DYSF: variants seen among roughly 807,000 people sequenced by gnomAD.
DYSF encodes the protein dysferlin.
A neutral mutation model predicts 274.9 loss-of-function variants in DYSF; 212 were observed. The ratio of observed to expected loss-of-function variants is 0.77; its 90% CI spans 0.69 to 0.86. The LOEUF is 0.86. Ranked by LOEUF, DYSF falls within the 40% of genes least tolerant of loss-of-function variation. The pLI is 0.00. For missense variants in DYSF, 2,666 were observed against 2,783.2 expected, an observed-to-expected ratio of 0.96 and a Z score of 0.95; for synonymous variants, 1,091 against 1,078.7, an observed-to-expected ratio of 1.01 and a Z score of -0.22.
rs149276374 is a variant in DYSF at position 71,467,674 on chromosome 2, A to G, written c.91+741A>G. On this transcript the variant is annotated intron_variant, in intron 1 of 55. Coordinates refer to ENST00000410020, the MANE Select transcript of DYSF (RefSeq NM_001130987.2). ...CAGGAGGGGAAAGGGAAGAGGAAGG[A>G]TCTGTCAAAATTAAGAGAAGGAACA... Among the ~76,000 whole-genome samples the G allele has an allele frequency of 5.6e-3, 851 of 152,280 alleles. 11 individuals are homozygous for G. Among genetic ancestry groups the G allele is most frequent in the African/African-American group, 0.019 (802 of 41,546 alleles).
At chr2:71,584,018 C>T (rs959058604) in intron 30 of DYSF, among the ~76,000 whole-genome samples, 2 of 152,206 alleles carry the variant, frequency 1.3e-5, no homozygotes, top group African/African-American at 2.4e-5. Flanking sequence ...GCAGCAAGAT[C>T]CCTTACACAG....
intron 55 of DYSF, among the ~76,000 whole-genome samples, chr2:71,684,921 A>T (rs1045144408): frequency 6.6e-6 from 1 of 152,204 alleles, no homozygotes; most frequent in Non-Finnish European, 1.5e-5. Context: ...GAGCACTGTC[A>T]TCTTCCCTGG....
At chr2:71,589,540 G>T (rs1558551684) in intron 30 of DYSF, 53 bp from the exon 31 acceptor site, 1 of 1,458,000 alleles carries the variant, frequency 6.9e-7, no homozygotes. Context: ...TAGTCTCCCT[G>T]CCACCCCCAG....
chr2:71,457,047 G>A (rs2081096025), intron 1 of DYSF, among the ~76,000 whole-genome samples: 1 of 152,182 alleles, frequency 6.6e-6, no homozygotes, highest in African/African-American at 2.4e-5. Context: ...CACAAACAGA[G>A]GGAATGGACA....
At chr2:71,618,590 TGTGTGGTAGAGGTGGTGG>T (rs1213229106) in intron 40 of DYSF, among the ~76,000 whole-genome samples, 43,110 of 135,522 alleles carry the variant, frequency 0.32, 3,623 homozygotes, top group East Asian at 0.38. Flanking sequence ...GAGTTGTGTG[TGTGTGGTAGAGGTGGTGG>T]GTGTGGTAGA....
intron 20 of DYSF, 49 bp from the exon 21 acceptor site, chr2:71,553,757 AC>A: frequency 6.5e-6 from 3 of 461,846 alleles, no homozygotes; most frequent in Non-Finnish European, 1.0e-5. Context: ...ACCCCATCCC[AC>A]CCGCCCTCCA....
upstream of DYSF, among the ~76,000 whole-genome samples, chr2:71,465,474 C>T (rs2152639342): frequency 6.6e-6 from 1 of 152,186 alleles, no homozygotes; most frequent in East Asian, 1.9e-4. Flanking sequence ...AGTATGATTG[C>T]CCCCAGCAGT....
chr2:71,603,464 G>A (rs887976220), intron 36 of DYSF, among the ~76,000 whole-genome samples: 1 of 152,158 alleles, frequency 6.6e-6, no homozygotes, highest in Non-Finnish European at 1.5e-5. Context: ...AGGAAGGAGA[G>A]CCCTGGTCAG....
At chr2:71,532,858 ATCT>A (rs2088903287) in intron 14 of DYSF, among the ~76,000 whole-genome samples, 1 of 147,424 alleles carries the variant, frequency 6.8e-6, no homozygotes, top group South Asian at 2.1e-4. Context: ...CTATCTATCT[ATCT>A]ATCTATCTAT....
chr2:71,587,724 C>CA (rs1441153690), intron 30 of DYSF, among the ~76,000 whole-genome samples: 1 of 152,212 alleles, frequency 6.6e-6, no homozygotes, highest in Non-Finnish European at 1.5e-5. Flanking sequence ...CAGTAGTAAA[C>CA]AGCAGGGCCA....
At chr2:71,585,673 T>C (rs924504830) in intron 30 of DYSF, among the ~76,000 whole-genome samples, 1 of 152,156 alleles carries the variant, frequency 6.6e-6, no homozygotes, top group African/African-American at 2.4e-5. Flanking sequence ...TGTCTTTCCC[T>C]GAGGCAGGTG....
intron 41 of DYSF, among the ~76,000 whole-genome samples, chr2:71,632,847 G>A (rs543949735): frequency 2.4e-4 from 37 of 152,238 alleles, no homozygotes; most frequent in African/African-American, 8.2e-4. Context: ...ACAGCTCCCC[G>A]ACTCTCTGTG....
chr2:71,570,183 T>A, intron 27 of DYSF, 46 bp from the exon 28 acceptor site: 1 of 1,549,808 alleles, frequency 6.5e-7, no homozygotes, highest in Non-Finnish European at 8.9e-7. Context: ...CCTGCTCACA[T>A]CTGTCTGTCT....
rs547747859 is a variant in DYSF at position 71,573,061 on chromosome 2, G to A, written c.3229-1137G>A. Among the ~76,000 whole-genome samples, 622 of 152,368 alleles carry A rather than the reference G, an allele frequency of 4.1e-3. 3 individuals carry two copies. Among genetic ancestry groups the A allele is most frequent in the Non-Finnish European group, 7.1e-3 (485 of 68,034 alleles). On this transcript the variant is annotated intron_variant, in intron 29 of 55. Transcript: ENST00000410020. The stretch of plus-strand genomic sequence containing the variant: ...CCTGTCCTGGACCTTCTTGGTCTAT[G>A]ATCTTCCTTCCTAAACACACATTTG...
chr2:71,549,786 C>A (rs184625164), intron 17 of DYSF, among the ~76,000 whole-genome samples: 3 of 152,212 alleles, frequency 2.0e-5, no homozygotes, highest in Admixed American at 2.0e-4. Context: ...GAGTTGAAAT[C>A]CCCAAGGTAA....
chr2:71,523,506 G>A (rs1230238441), intron 12 of DYSF, among the ~76,000 whole-genome samples: 1 of 148,882 alleles, frequency 6.7e-6, no homozygotes, highest in Non-Finnish European at 1.5e-5. Context: ...AACTTCTTAC[G>A]TTATACTTCA....
chr2:71,676,262 C>T (rs537705025), intron 52 of DYSF, among the ~76,000 whole-genome samples: 1 of 152,140 alleles, frequency 6.6e-6, no homozygotes, highest in South Asian at 2.1e-4. Flanking sequence ...TGTTTATACT[C>T]CCACCTGTGC....
At chr2:71,518,199 A>G (rs920056185) in intron 10 of DYSF, among the ~76,000 whole-genome samples, 1 of 152,106 alleles carries the variant, frequency 6.6e-6, no homozygotes, top group South Asian at 2.1e-4. Context: ...TGGATTTAAC[A>G]GATTACGTAA....
chr2:71,614,831 G>A (rs2093847711), intron 40 of DYSF, among the ~76,000 whole-genome samples: 1 of 152,184 alleles, frequency 6.6e-6, no homozygotes, highest in African/African-American at 2.4e-5. Context: ...GATCTGAGGA[G>A]GAATCTCTCT....
Sources: gnomAD v4.1 joint callset for allele counts (sites outside exome capture counted in the v4.1 genomes callset) on GRCh38, gnomAD v4.1.1 for gene constraint, MANE v1.5 for transcripts, NCBI Gene and HGNC (gene_info 2026-07-23, HGNC 2026-07-21) for gene names.